FKBP5: variants seen among roughly 807,000 people sequenced by gnomAD.
FKBP5 encodes the protein peptidyl-prolyl cis-trans isomerase FKBP5.
Under a neutral mutation model 50.5 loss-of-function variants are expected in FKBP5, and 23 were observed. The ratio of observed to expected loss-of-function variants is 0.46; its 90% CI spans 0.33 to 0.65. FKBP5 has a LOEUF of 0.65. Among genes scored for constraint, FKBP5 ranks in the 30% least tolerant of loss-of-function variants. The probability of loss-of-function intolerance (pLI) is 0.02; values close to 1 mark genes in which losing one functional copy is unlikely to be tolerated. For synonymous variants in FKBP5, 176 were observed against 190.6 expected (o/e 0.92, Z 0.63); for missense variants, 411 against 553.1 (o/e 0.74, Z 2.58).
At chr6:35,602,709 T>C (rs1406433876) in intron 5 of FKBP5, among the ~76,000 whole-genome samples, 1 of 152,120 alleles carries the variant, frequency 6.6e-6, no homozygotes, top group Non-Finnish European at 1.5e-5. Context: ...CTGTCCGCCT[T>C]CCTCCTCTGC....
chr6:35,631,607 AAATATT>A (rs1764155877), intron 3 of FKBP5, among the ~76,000 whole-genome samples: 1 of 152,186 alleles, frequency 6.6e-6, no homozygotes, highest in Non-Finnish European at 1.5e-5. Flanking sequence ...GCTTCGACAC[AAATATT>A]AATATGATTG....
At chr6:35,712,549 T>C (rs536249159) in intron 2 of FKBP5, among the ~76,000 whole-genome samples, 4 of 152,272 alleles carry the variant, frequency 2.6e-5, no homozygotes, top group Admixed American at 1.3e-4. Context: ...AGGCTTTGTT[T>C]TGTAAGCCAG....
chr6:35,710,231 C>T (rs182400552), intron 2 of FKBP5, among the ~76,000 whole-genome samples: 3 of 152,272 alleles, frequency 2.0e-5, no homozygotes, highest in East Asian at 3.9e-4. Flanking sequence ...GTAATCCCAG[C>T]TCTTTGGGAG....
At chr6:35,579,969 CA>C in intron 9 of FKBP5, 66 bp downstream of exon 9, 3 of 1,217,898 alleles carry the variant, frequency 2.5e-6, no homozygotes, top group Non-Finnish European at 3.4e-6. Flanking sequence ...TGAGAGGAAG[CA>C]AAAGACAGAG....
At chr6:35,639,685 C>T (rs1764422070) in intron 2 of FKBP5, among the ~76,000 whole-genome samples, 1 of 152,142 alleles carries the variant, frequency 6.6e-6, no homozygotes, top group Non-Finnish European at 1.5e-5. Context: ...TAGCATAAAG[C>T]CCTTATTCTA....
chr6:35,576,905 T>C (rs1762237096), intron 10 of FKBP5, 89 bp downstream of exon 10: 2 of 1,492,588 alleles, frequency 1.3e-6, no homozygotes, highest in East Asian at 2.3e-5. Flanking sequence ...CTTGAGCCTC[T>C]TGGGTTGTTT....
intron 3 of FKBP5, among the ~76,000 whole-genome samples, chr6:35,630,358 C>T (rs1764119086): frequency 6.6e-6 from 1 of 151,988 alleles, no homozygotes; most frequent in Admixed American, 6.6e-5. Context: ...ACCATCCTCG[C>T]CAACATGGTG....
At chr6:35,701,248 G>GTT (rs552906381) in intron 2 of FKBP5, among the ~76,000 whole-genome samples, 14 of 139,334 alleles carry the variant, frequency 1.0e-4, no homozygotes, top group South Asian at 4.4e-4. Flanking sequence ...TTGTTTTTTT[G>GTT]TTTTTTTTTT....
chr6:35,582,647 T>A (rs374908507), intron 8 of FKBP5: 13 of 983,782 alleles, frequency 1.3e-5, no homozygotes, highest in Non-Finnish European at 1.6e-5. Context: ...ACCCAGTGTA[T>A]GGTATTTTAC....
chr6:35,651,729 C>G (rs1764803995), intron 1 of FKBP5: 1 of 161,346 alleles, frequency 6.2e-6, no homozygotes, highest in African/African-American at 2.4e-5. Flanking sequence ...AACATGATGC[C>G]ACAAGTGAAA....
intron 3 of FKBP5, among the ~76,000 whole-genome samples, chr6:35,628,606 T>G (rs570591073): frequency 6.6e-6 from 1 of 152,370 alleles, no homozygotes; most frequent in South Asian, 2.1e-4. Flanking sequence ...ATTTTTATGT[T>G]AAAAATAAGA....
chr6:35,646,577 G>GT (rs1194782896), intron 1 of FKBP5, among the ~76,000 whole-genome samples: 2 of 152,144 alleles, frequency 1.3e-5, no homozygotes, highest in Non-Finnish European at 2.9e-5. Context: ...AAAAAAGACA[G>GT]TAAGGACAGA....
chr6:35,699,955 G>C (rs751884335), intron 2 of FKBP5, among the ~76,000 whole-genome samples: 1 of 151,994 alleles, frequency 6.6e-6, no homozygotes, highest in African/African-American at 2.4e-5. Flanking sequence ...ACTGAGGCAG[G>C]AGAATAGATT....
chr6:35,588,026 ATT>A (rs1762665257), intron 7 of FKBP5, among the ~76,000 whole-genome samples: 1 of 149,612 alleles, frequency 6.7e-6, no homozygotes, highest in South Asian at 2.1e-4. Context: ...TATTATTATT[ATT>A]ATTATTTTTT....
chr6:35,660,859 A>G (rs1207376239), intron 1 of FKBP5, among the ~76,000 whole-genome samples: 2 of 83,652 alleles, frequency 2.4e-5, no homozygotes, highest in African/African-American at 7.4e-5. Context: ...CTCTGTTATT[A>G]GGTGCATATT....
intron 5 of FKBP5, among the ~76,000 whole-genome samples, chr6:35,614,505 C>A (rs570121366): frequency 7.9e-5 from 12 of 152,088 alleles, no homozygotes; most frequent in Admixed American, 5.2e-4. Context: ...AATTGAGTAA[C>A]ATAATCACAT....
At chr6:35,608,523 C>T (rs1043366313) in intron 5 of FKBP5, among the ~76,000 whole-genome samples, 3 of 151,942 alleles carry the variant, frequency 2.0e-5, no homozygotes, top group African/African-American at 7.3e-5. Flanking sequence ...AGCAAGACCC[C>T]GTCTCTAAAA....
intron 4 of FKBP5, among the ~76,000 whole-genome samples, chr6:35,619,922 C>T (rs1763780538): frequency 6.6e-6 from 1 of 152,072 alleles, no homozygotes; most frequent in Admixed American, 6.6e-5. Context: ...TGGATATGAC[C>T]TTTTTGTGCT....
chr6:35,644,812 A>T (rs1764585757), intron 1 of FKBP5, among the ~76,000 whole-genome samples: 6 of 152,138 alleles, frequency 3.9e-5, no homozygotes. Context: ...GAGGGAAAAG[A>T]TCTCTTAAAT....
Sources: gnomAD v4.1 joint callset for allele counts (sites outside exome capture counted in the v4.1 genomes callset) on GRCh38, gnomAD v4.1.1 for gene constraint, MANE v1.5 for transcripts, NCBI Gene and HGNC (gene_info 2026-07-23, HGNC 2026-07-21) for gene names.